SFRP1: variants seen among roughly 807,000 people sequenced by gnomAD.
SFRP1 encodes secreted frizzled-related protein 1.
Under a neutral mutation model 25.9 loss-of-function variants are expected in SFRP1, and 9 were observed. The observed-to-expected ratio is 0.35, with a 90% CI of 0.21 to 0.61. The LOEUF (loss-of-function observed/expected upper bound fraction) is 0.61. Among genes scored for constraint, SFRP1 ranks in the 20% least tolerant of loss-of-function variants. The probability of loss-of-function intolerance (pLI) is 0.78; values close to 1 mark genes in which losing one functional copy is unlikely to be tolerated. For missense variants in SFRP1, 346 were observed against 418.2 expected, an observed-to-expected ratio of 0.83 and a Z score of 1.51; for synonymous variants, 178 against 174.0, an observed-to-expected ratio of 1.02 and a Z score of -0.18.
chr8:41,265,506 CAGA>C lies in SFRP1; in HGVS notation c.623-20_623-18del, dbSNP rs771610474. 4.1e-5 allele frequency: 65 copies of C among 1,568,986 alleles called. 1 individual carries two copies. The highest frequency in any genetic ancestry group is 4.8e-5 in the Non-Finnish European group (56 of 1,160,868). On this transcript the variant is annotated intron_variant, in intron 2 of 2. Coordinates refer to ENST00000220772, the MANE Select transcript of SFRP1 (RefSeq NM_003012.5). The stretch of plus-strand genomic sequence containing the variant: ...TCCTCAGTGCTAGAGATGGAGAGGA[CAGA>C]AGAAGAGAAAAGAGGGTAAGAGAAA...
intron 2 of SFRP1, among the ~76,000 whole-genome samples, chr8:41,267,347 G>A (rs1803447388): frequency 6.6e-6 from 1 of 152,196 alleles, no homozygotes; most frequent in South Asian, 2.1e-4. Flanking sequence ...GCGTGGACAT[G>A]CTCTATAAAC....
chr8:41,305,383 G>A (rs11781874), intron 1 of SFRP1, among the ~76,000 whole-genome samples: 38,104 of 152,138 alleles, frequency 0.25, 5,898 homozygotes, highest in South Asian at 0.32. Flanking sequence ...CCTCAGTCCC[G>A]TCAATTACAT....
chr8:41,289,283 G>T (rs1442435223), intron 2 of SFRP1, among the ~76,000 whole-genome samples: 2 of 152,168 alleles, frequency 1.3e-5, no homozygotes, highest in Non-Finnish European at 2.9e-5. Context: ...CACCTATGGT[G>T]ACCCCTTCAA....
chr8:41,281,892 C>A (rs556720718), intron 2 of SFRP1, among the ~76,000 whole-genome samples: 69 of 152,334 alleles, frequency 4.5e-4, no homozygotes, highest in African/African-American at 1.6e-3. Flanking sequence ...CAGAGCACCT[C>A]TGGCGAATGC....
chr8:41,303,299 T>G (rs542303432), intron 2 of SFRP1, among the ~76,000 whole-genome samples, 162 bp downstream of exon 2: 2 of 151,910 alleles, frequency 1.3e-5, no homozygotes, highest in Admixed American at 1.3e-4. Flanking sequence ...TTCTGGACCC[T>G]GTCTAGTCTC....
intron 2 of SFRP1, among the ~76,000 whole-genome samples, chr8:41,290,861 G>T: frequency 9.8e-6 from 1 of 102,052 alleles, no homozygotes; most frequent in Admixed American, 1.1e-4. Context: ...TGAGGTCTTT[G>T]TCTTCTTCTC....
At chr8:41,288,138 A>T (rs1803730097) in intron 2 of SFRP1, among the ~76,000 whole-genome samples, 1 of 152,092 alleles carries the variant, frequency 6.6e-6, no homozygotes, top group African/African-American at 2.4e-5. Context: ...CAGGCAGATC[A>T]CCTGAGGTCA....
At chr8:41,308,505 C>T (rs1476411170) in intron 1 of SFRP1, 111 bp downstream of exon 1, 4 of 877,860 alleles carry the variant, frequency 4.6e-6, no homozygotes, top group Admixed American at 5.4e-5. Flanking sequence ...GCCCTCAGTC[C>T]CCAGCACCGG....
chr8:41,288,703 G>A (rs896675784), intron 2 of SFRP1, among the ~76,000 whole-genome samples: 5 of 152,158 alleles, frequency 3.3e-5, no homozygotes, highest in African/African-American at 4.8e-5. Flanking sequence ...CTTGGCCAAA[G>A]CCATGCGACT....
At chr8:41,265,554 T>A (rs1803425239) in intron 2 of SFRP1, 65 bp from the exon 3 acceptor site, 1 of 1,191,734 alleles carries the variant, frequency 8.4e-7, no homozygotes, top group Non-Finnish European at 1.2e-6. Flanking sequence ...ACACAGCTTT[T>A]CTTTTTTTGA....
At chr8:41,286,256 A>C (rs1313871244) in intron 2 of SFRP1, among the ~76,000 whole-genome samples, 1 of 152,214 alleles carries the variant, frequency 6.6e-6, no homozygotes, top group Non-Finnish European at 1.5e-5. Context: ...CTGTAAGCGA[A>C]GAAGCCTCCA....
At chr8:41,287,015 T>C (rs1487176170) in intron 2 of SFRP1, among the ~76,000 whole-genome samples, 1 of 152,206 alleles carries the variant, frequency 6.6e-6, no homozygotes, top group Non-Finnish European at 1.5e-5. Context: ...GCTAAGAGGC[T>C]GCCAGGTCTC....
chr8:41,300,457 T>G (rs995672326), intron 2 of SFRP1, among the ~76,000 whole-genome samples: 1 of 152,108 alleles, frequency 6.6e-6, no homozygotes, highest in Non-Finnish European at 1.5e-5. Flanking sequence ...GTAGTACAAG[T>G]GGAAGCTCTG....
chr8:41,266,124 C>T (rs901061484), intron 2 of SFRP1, among the ~76,000 whole-genome samples: 2 of 151,900 alleles, frequency 1.3e-5, no homozygotes, highest in Non-Finnish European at 2.9e-5. Flanking sequence ...CAAGATCACA[C>T]CACTGCACTC....
At chr8:41,293,998 G>A (rs147617466) in intron 2 of SFRP1, among the ~76,000 whole-genome samples, 66 of 150,820 alleles carry the variant, frequency 4.4e-4, no homozygotes, top group Middle Eastern at 3.4e-3. Flanking sequence ...TCAGCCTCCC[G>A]AAGCACTGGG....
intron 2 of SFRP1, among the ~76,000 whole-genome samples, chr8:41,275,936 C>T (rs1250145192): frequency 6.6e-6 from 1 of 152,078 alleles, no homozygotes; most frequent in Non-Finnish European, 1.5e-5. Flanking sequence ...TGTGTAGAAA[C>T]AGGGTCTTGG....
intron 1 of SFRP1, 51 bp downstream of exon 1, chr8:41,308,565 G>T: frequency 6.9e-7 from 1 of 1,441,438 alleles, no homozygotes; most frequent in Non-Finnish European, 9.4e-7. Flanking sequence ...CTGCAGCTCC[G>T]GCCGGGGGAT....
intron 1 of SFRP1, chr8:41,307,060 CTCACAGGGCAGGG>C: frequency 7.1e-7 from 1 of 1,405,222 alleles, no homozygotes; most frequent in Non-Finnish European, 9.3e-7. Context: ...TGGGCACAGC[CTCACAGGGCAGGG>C]CTGGGCTAAT....
At chr8:41,302,985 G>C (rs1803945437) in intron 2 of SFRP1, among the ~76,000 whole-genome samples, 1 of 151,196 alleles carries the variant, frequency 6.6e-6, no homozygotes, top group Non-Finnish European at 1.5e-5. Flanking sequence ...CCCCTCCCTG[G>C]GAAGGCACCC....
Sources: gnomAD v4.1 joint callset for allele counts (sites outside exome capture counted in the v4.1 genomes callset) on GRCh38, gnomAD v4.1.1 for gene constraint, MANE v1.5 for transcripts, NCBI Gene and HGNC (gene_info 2026-07-23, HGNC 2026-07-21) for gene names.